Variants in ZFHX4 observed in about 807,000 individuals in gnomAD.
ZFHX4 encodes zinc finger homeobox protein 4.
Under a neutral mutation model 267.6 loss-of-function variants are expected in ZFHX4, and 56 were observed. The ratio of observed to expected loss-of-function variants is 0.21; its 90% CI spans 0.17 to 0.26. The LOEUF is 0.26. Among genes scored for constraint, ZFHX4 ranks in the 10% least tolerant of loss-of-function variants. The pLI, the probability that ZFHX4 is intolerant of heterozygous loss-of-function variation, is 1.00. For missense variants in ZFHX4, 4,332 were observed against 4,420.0 expected (o/e 0.98, Z 0.56); for synonymous variants, 1,778 against 1,665.6 (o/e 1.07, Z -1.64).
In ZFHX4 at chr8:76,852,861, A is replaced by C; in HGVS notation, c.5940A>C (p.Lys1980Asn). ...TTTTTCCATATGCAGCGCTAGAAAA[A>C]TTTGCTCGTCAATACAGGGAGGCCT... ...GQFFPYAALEKFARQYREAYD... is the reference protein window; with the variant it reads ...GQFFPYAALENFARQYREAYD... The change falls in exon 10 of 11, where the codon AAA becomes AAC. Residue 1980 changes from lysine (K) to asparagine (N), a missense_variant. Coordinates refer to ENST00000651372, the MANE Select transcript of ZFHX4 (RefSeq NM_024721.5). 1 of 1,613,826 alleles carries C rather than the reference A, an allele frequency of 6.2e-7. No homozygotes were observed. The highest frequency in any genetic ancestry group is 8.5e-7 in the Non-Finnish European group (1 of 1,179,840).
At chr8:76,787,638 TAAAA>T (rs748402870) in intron 4 of ZFHX4, among the ~76,000 whole-genome samples, 4 of 62,208 alleles carry the variant, frequency 6.4e-5, no homozygotes, top group South Asian at 5.4e-4. Context: ...CCATCTCCAC[TAAAA>T]AAAAAAAAAA....
At chr8:76,719,578 G>T (rs1808666413) in intron 3 of ZFHX4, among the ~76,000 whole-genome samples, 1 of 151,976 alleles carries the variant, frequency 6.6e-6, no homozygotes, top group Non-Finnish European at 1.5e-5. Flanking sequence ...TTTTGCAAAG[G>T]CTTTAGTACT....
In ZFHX4 at chr8:76,752,494, A is replaced by C. The variant is rs1333208898; in HGVS notation, c.3094-25714A>C. 2.3e-3 allele frequency among the ~76,000 whole-genome samples: 339 copies of C among 149,934 alleles called. 1 individual carries two copies. The highest frequency in any genetic ancestry group is 7.5e-3 in the African/African-American group (306 of 41,064). On this transcript the variant is annotated intron_variant, in intron 3 of 10. Coordinates refer to ENST00000651372, the MANE Select transcript of ZFHX4 (RefSeq NM_024721.5). ...CTGTCTCTACCAAAAATCCAAAAAA[A>C]AAAAAAAAAAAAAAAGAAAAAAGAA... is the stretch of plus-strand genomic sequence containing the variant.
At position 76,852,572 on chromosome 8, in the gene ZFHX4, A is replaced by G. The variant is rs770651543; in HGVS notation, c.5651A>G (p.Asp1884Gly). Reference protein sequence around the residue: ...SEGEGLKEGKDTKKQKSLEPS... With the variant: ...SEGEGLKEGKGTKKQKSLEPS... ...GGTGAAGGACTCAAAGAAGGCAAAGACACAAAGAAGCAAAAATCCTTGGAA... is the reference window on the plus strand; with the variant it reads ...GGTGAAGGACTCAAAGAAGGCAAAGGCACAAAGAAGCAAAAATCCTTGGAA... Residue 1884 changes from aspartate to glycine, a missense_variant, in exon 10 of 11, where the codon GAC becomes GGC. By Grantham distance (94) the Asp-to-Gly change is moderately conservative. Coordinates refer to ENST00000651372, the MANE Select transcript of ZFHX4 (RefSeq NM_024721.5). 4.3e-6 allele frequency: 7 copies of G among 1,611,692 alleles called. No homozygotes were observed. In the East Asian group the frequency reaches 1.6e-4, roughly 36 times the overall value.
At chr8:76,714,173 T>C (rs914269083) in intron 3 of ZFHX4, among the ~76,000 whole-genome samples, 4 of 152,194 alleles carry the variant, frequency 2.6e-5, no homozygotes, top group African/African-American at 9.6e-5. Context: ...TAATGTGCTC[T>C]CCCTGTGTGT....
In ZFHX4 at chr8:76,854,777, T is replaced by C. The variant is rs779563437; in HGVS notation, c.7856T>C (p.Ile2619Thr). The C allele has an allele frequency of 1.2e-6, 2 of 1,610,400 alleles. No individual in the cohort carries two copies. The highest frequency in any genetic ancestry group is 1.7e-6 in the Non-Finnish European group (2 of 1,178,622). ...ACGATCACCCCGGAACAGCTGGAAA[T>C]ACTCTATGAAAAATACTTGCTGGAT... ...RTTITPEQLE[I>T]LYEKYLLDSN... Residue 2619 changes from isoleucine (I) to threonine (T), a missense_variant, in exon 10 of 11, where the codon ATA (isoleucine) becomes ACA (threonine). By Grantham distance (89) the Ile-to-Thr change is moderately conservative (BLOSUM62 -1). Coordinates refer to ENST00000651372, the MANE Select transcript of ZFHX4 (RefSeq NM_024721.5).
At position 76,704,147 on chromosome 8, in the gene ZFHX4, A is replaced by G; in HGVS notation, c.59A>G (p.Lys20Arg). 1 of 1,613,958 alleles carries G rather than the reference A, an allele frequency of 6.2e-7. No homozygotes were observed. The highest frequency in any genetic ancestry group is 8.5e-7 in the Non-Finnish European group (1 of 1,179,880). ...CAGGAAAATGGGCAGAGCACATCAAAGCTATGTGGAACGACACAACTTGAT... is the reference window on the plus strand; with the variant it reads ...CAGGAAAATGGGCAGAGCACATCAAGGCTATGTGGAACGACACAACTTGAT... ...SRQENGQSTS[K>R]LCGTTQLDNE... Residue 20 changes from lysine (K) to arginine (R), a missense_variant, in exon 2 of 11, where the codon AAG becomes AGG. Lys to Arg is a conservative substitution (Grantham distance 26). Around this residue, in one of 7 missense-constraint regions of ZFHX4, gnomAD observed 1,195 missense variants for 1,173.6 expected, o/e 1.02. Transcript: ENST00000651372.
At chr8:76,735,311 G>A (rs1809130060) in intron 3 of ZFHX4, among the ~76,000 whole-genome samples, 1 of 152,012 alleles carries the variant, frequency 6.6e-6, no homozygotes, top group African/African-American at 2.4e-5. Flanking sequence ...CATCACAATG[G>A]TCTTCAGATT....
At chr8:76,823,911 A>G (rs933751748) in intron 4 of ZFHX4, among the ~76,000 whole-genome samples, 1 of 152,212 alleles carries the variant, frequency 6.6e-6, no homozygotes, top group African/African-American at 2.4e-5. Context: ...CCATGGCAGG[A>G]TATATAAACA....
chr8:76,846,984 A>G (rs1812380633), intron 6 of ZFHX4, among the ~76,000 whole-genome samples: 1 of 152,174 alleles, frequency 6.6e-6, no homozygotes, highest in Non-Finnish European at 1.5e-5. Context: ...ATAAGGGGAT[A>G]TGACAGAGTA....
chr8:76,854,577 G>T lies in ZFHX4; in HGVS notation c.7656G>T (p.Leu2552=). The T allele has an allele frequency of 6.2e-7, 1 of 1,613,568 alleles. No individual in the cohort carries two copies. ...PNNPLMTGQL[L]GSSLTQMPPQ... ...ATCCGCTGATGACTGGACAACTGCT[G>T]GGCAGTTCCCTCACTCAAATGCCCC... Residue 2552 remains leucine, a synonymous_variant, in exon 10 of 11, where the codon CTG becomes CTT. Coordinates refer to ENST00000651372, the MANE Select transcript of ZFHX4 (RefSeq NM_024721.5).
chr8:76,811,612 T>C (rs1811380632), intron 4 of ZFHX4, among the ~76,000 whole-genome samples: 1 of 152,150 alleles, frequency 6.6e-6, no homozygotes, highest in Admixed American at 6.5e-5. Flanking sequence ...CTTCTGTACA[T>C]AAATAATAAC....
chr8:76,736,584 T>C (rs369023474), intron 3 of ZFHX4, among the ~76,000 whole-genome samples: 5 of 140,048 alleles, frequency 3.6e-5, no homozygotes, highest in African/African-American at 1.6e-4. Flanking sequence ...AAGAATCTTT[T>C]TATGCCTCTG....
rs1226220258 is a variant in ZFHX4 at position 76,866,172 on chromosome 8, C to T, written c.*1607C>T. 2 of 152,552 alleles carry T rather than the reference C, an allele frequency of 1.3e-5. No individual in the cohort carries two copies. The highest frequency in any genetic ancestry group is 2.9e-5 in the Non-Finnish European group (2 of 68,020). 9.4% of individuals were successfully genotyped at this position (152,552 alleles called of 1,614,324 possible). On this transcript the variant is annotated 3_prime_UTR_variant, in exon 11 of 11. Coordinates refer to ENST00000651372, the MANE Select transcript of ZFHX4 (RefSeq NM_024721.5). ...GTTAAAGGCTTGTGAACAAAGAAAGCTAAGCTGTTGTACATATTTGTAGTT... is the reference window on the plus strand; with the variant it reads ...GTTAAAGGCTTGTGAACAAAGAAAGTTAAGCTGTTGTACATATTTGTAGTT...
At chr8:76,740,158 G>C (rs1173807491) in intron 3 of ZFHX4, among the ~76,000 whole-genome samples, 1 of 152,102 alleles carries the variant, frequency 6.6e-6, no homozygotes, top group Non-Finnish European at 1.5e-5. Flanking sequence ...TTTTGGTCAG[G>C]AGAGTCTTGT....
chr8:76,830,613 A>C (rs1811908484), intron 4 of ZFHX4, among the ~76,000 whole-genome samples: 1 of 152,214 alleles, frequency 6.6e-6, no homozygotes, highest in South Asian at 2.1e-4. Context: ...TGAAGAGATA[A>C]ACATTATTGA....
chr8:76,854,732 G>T lies in ZFHX4; in HGVS notation c.7811G>T (p.Arg2604Leu). The T allele has an allele frequency of 1.1e-5, 17 of 1,612,750 alleles. No individual in the cohort carries two copies. The highest frequency in any genetic ancestry group is 1.4e-5 in the Non-Finnish European group (17 of 1,179,342). ...EGGNSGEDQH[R>L]DKRLRTTITP... Reference sequence around the variant, plus strand: ...GGGAATAGCGGTGAAGACCAACACCGAGATAAACGCTTGAGAACCACGATC... The same window carrying T: ...GGGAATAGCGGTGAAGACCAACACCTAGATAAACGCTTGAGAACCACGATC... The change falls in exon 10 of 11, where the codon CGA becomes CTA. Residue 2604 changes from arginine (R) to leucine (L), a missense_variant. Transcript: ENST00000651372.
intron 3 of ZFHX4, among the ~76,000 whole-genome samples, chr8:76,740,189 T>A (rs1344781287): frequency 6.6e-6 from 1 of 152,024 alleles, no homozygotes; most frequent in African/African-American, 2.4e-5. Context: ...TCTAGAAAAA[T>A]TCTGATGGGA....
intron 6 of ZFHX4, among the ~76,000 whole-genome samples, chr8:76,844,417 T>A (rs1225552106): frequency 6.6e-6 from 1 of 152,118 alleles, no homozygotes; most frequent in African/African-American, 2.4e-5. Context: ...AGGTCTCAAA[T>A]GTCTAATATC....
Sources: allele counts gnomAD v4.1 joint callset (sites outside exome capture counted in the v4.1 genomes callset), GRCh38; gene constraint gnomAD v4.1.1; regional missense constraint gnomAD v4.1.1; transcripts MANE v1.5; gene names NCBI Gene and HGNC (gene_info 2026-07-23, HGNC 2026-07-21).